Variants in TYW1B observed in about 807,000 individuals in gnomAD.
The protein encoded by TYW1B is tRNA-yW synthesizing protein 1 homolog B.
A neutral mutation model predicts 86.9 loss-of-function variants in TYW1B; 73 were observed. That is an observed-to-expected ratio of 0.84 (90% confidence interval 0.70 to 1.02). The LOEUF is 1.02. Among genes scored for constraint, TYW1B ranks in the 50% least tolerant of loss-of-function variants. The pLI, the probability that TYW1B is intolerant of heterozygous loss-of-function variation, is 0.00. For synonymous variants in TYW1B, 248 were observed against 292.8 expected (o/e 0.85, Z 1.56); for missense variants, 637 against 827.4 (o/e 0.77, Z 2.82).
intron 12 of TYW1B, among the ~76,000 whole-genome samples, chr7:72,620,694 A>C (rs577036871): frequency 1.3e-5 from 2 of 152,126 alleles, no homozygotes; most frequent in South Asian, 4.1e-4. Context: ...TATCTAAAAA[A>C]CTTTCCCTTC....
At chr7:72,726,491 T>C (rs1787001130) in intron 9 of TYW1B, among the ~76,000 whole-genome samples, 1 of 151,580 alleles carries the variant, frequency 6.6e-6, no homozygotes, top group East Asian at 1.9e-4. Flanking sequence ...GCCCCCCGAG[T>C]AGCTGGGATT....
At chr7:72,820,341 G>A (rs1241118631) in intron 2 of TYW1B, among the ~76,000 whole-genome samples, 2 of 152,070 alleles carry the variant, frequency 1.3e-5, no homozygotes, top group African/African-American at 4.8e-5. Flanking sequence ...CATAAGCGAA[G>A]GAGAAACAAG....
chr7:72,826,121 T>TA (rs1788924877), intron 2 of TYW1B, among the ~76,000 whole-genome samples: 2 of 152,134 alleles, frequency 1.3e-5, no homozygotes, highest in African/African-American at 4.8e-5. Context: ...CTGAGAACCA[T>TA]AAAAAATCTT....
At chr7:72,729,438 A>C (rs1210120871) in intron 8 of TYW1B, among the ~76,000 whole-genome samples, 1 of 151,968 alleles carries the variant, frequency 6.6e-6, no homozygotes, top group Non-Finnish European at 1.5e-5. Flanking sequence ...GACCAAAACC[A>C]CTGCTAGAGT....
rs1810975525 is a variant in TYW1B at position 72,574,583 on chromosome 7, A to G, written c.*915T>C. 1.0e-6 allele frequency: 1 copy of G among 985,240 alleles called. No homozygotes were observed. Among genetic ancestry groups the G allele is most frequent in the Non-Finnish European group, 1.2e-6 (1 of 829,862 alleles). The allele number at this position is 985,240 out of a possible 1,614,324, so 61.0% of individuals were successfully genotyped here. On this transcript the variant is annotated 3_prime_UTR_variant, in exon 14 of 14. Transcript: ENST00000620995. Reference sequence around the variant, plus strand: ...CTGTTAAAAGAATTTGCTAACTTGAAAACAATTTTGAGTATTTATGATCTT... The same window carrying G: ...CTGTTAAAAGAATTTGCTAACTTGAGAACAATTTTGAGTATTTATGATCTT...
At chr7:72,627,454 CAGTAACATAA>C (rs1368520736) in intron 12 of TYW1B, among the ~76,000 whole-genome samples, 18 of 97,748 alleles carry the variant, frequency 1.8e-4, no homozygotes, top group African/African-American at 6.6e-4. Context: ...TCTCAAAAAA[CAGTAACATAA>C]CATAACATAA....
chr7:72,827,144 A>C (rs1202724135), intron 1 of TYW1B, among the ~76,000 whole-genome samples, 159 bp from the exon 2 acceptor site: 1 of 152,230 alleles, frequency 6.6e-6, no homozygotes, highest in Non-Finnish European at 1.5e-5. Flanking sequence ...ACAGTGGCTC[A>C]TGCCTGTAAT....
chr7:72,727,107 T>C (rs1484897080), intron 9 of TYW1B, among the ~76,000 whole-genome samples: 2 of 152,048 alleles, frequency 1.3e-5, no homozygotes, highest in African/African-American at 4.8e-5. Flanking sequence ...AAGATGAGAT[T>C]TGGGTGAGGG....
At chr7:72,812,677 A>T (rs868907299) in intron 3 of TYW1B, among the ~76,000 whole-genome samples, 11 of 151,816 alleles carry the variant, frequency 7.2e-5, no homozygotes, top group African/African-American at 2.7e-4. Flanking sequence ...TCCACGAGCC[A>T]CATCTTGCTT....
chr7:72,619,367 C>T (rs1426542809), intron 12 of TYW1B, among the ~76,000 whole-genome samples: 1 of 152,236 alleles, frequency 6.6e-6, no homozygotes, highest in South Asian at 2.1e-4. Flanking sequence ...ACGGGCCGGG[C>T]GCGGTGGCTC....
chr7:72,807,046 T>C lies in TYW1B; in HGVS notation c.723+20A>G, dbSNP rs782071354. The C allele has an allele frequency of 5.0e-6, 8 of 1,606,312 alleles. No individual in the cohort carries two copies. The South Asian group carries it at 8.8e-5, about 18-fold the overall frequency. The stretch of plus-strand genomic sequence containing the variant: ...AGCAGAGGGGGAAAGCATCAAGAGA[T>C]GAACACACAGGCGGTATACCTTGGT... On this transcript the variant is annotated intron_variant, in intron 5 of 13. Coordinates refer to ENST00000620995, the MANE Select transcript of TYW1B (RefSeq NM_001145440.3).
chr7:72,588,087 G>A (rs1382603170), intron 13 of TYW1B, among the ~76,000 whole-genome samples: 1 of 152,230 alleles, frequency 6.6e-6, no homozygotes, highest in Non-Finnish European at 1.5e-5. Flanking sequence ...GCCTGCAATA[G>A]TGGAATGCTG....
chr7:72,716,573 A>G (rs1786787295), intron 9 of TYW1B, among the ~76,000 whole-genome samples: 1 of 152,174 alleles, frequency 6.6e-6, no homozygotes, highest in East Asian at 1.9e-4. Flanking sequence ...GGATAGCACC[A>G]TGTGTGAGGG....
chr7:72,723,993 T>C (rs1447190831), intron 9 of TYW1B, among the ~76,000 whole-genome samples: 1 of 149,276 alleles, frequency 6.7e-6, no homozygotes, highest in African/African-American at 2.5e-5. Flanking sequence ...ATTAGGGTTT[T>C]TTTTTCTTTT....
In TYW1B at chr7:72,705,258, A is replaced by G. The variant is rs373175189; in HGVS notation, c.1370+8363T>C. The stretch of plus-strand genomic sequence containing the variant: ...CAAACATATACTATGCACCTAATAC[A>G]TAAAGAGACATCCAGTTTATAGAGG... On this transcript the variant is annotated intron_variant, in intron 10 of 13. Transcript: ENST00000620995. Among the ~76,000 whole-genome samples the G allele has an allele frequency of 7.8e-4, 119 of 152,374 alleles. 1 individual carries two copies. Among genetic ancestry groups the G allele is most frequent in the African/African-American group, 2.5e-3 (105 of 41,592 alleles).
chr7:72,675,353 TGTGCCACTGTACTCCA>T lies in TYW1B; in HGVS notation c.1506+19318_1506+19333del, dbSNP rs1164707006. 2.7e-3 allele frequency among the ~76,000 whole-genome samples: 408 copies of T among 152,068 alleles called. 1 individual carries two copies. Among genetic ancestry groups the T allele is most frequent in the African/African-American group, 8.9e-3 (368 of 41,460 alleles). On this transcript the variant is annotated intron_variant, in intron 11 of 13. Coordinates refer to ENST00000620995, the MANE Select transcript of TYW1B (RefSeq NM_001145440.3). ...GGTGGAGGTTGCAGTGAGCCGAGAC[TGTGCCACTGTACTCCA>T]GTCTGGGCAACAGAGTGAAATTCTG...
chr7:72,644,610 C>T (rs1812880440), intron 11 of TYW1B, among the ~76,000 whole-genome samples: 2 of 151,894 alleles, frequency 1.3e-5, no homozygotes. Flanking sequence ...TGTAAGGATG[C>T]TTAATTTATG....
chr7:72,769,230 TACTA>T, intron 7 of TYW1B: 1 of 265,538 alleles, frequency 3.8e-6, no homozygotes, highest in Non-Finnish European at 6.8e-6. Flanking sequence ...AAGTGATATT[TACTA>T]TTCCCTGTTA....
At chr7:72,664,818 T>A (rs113883745) in intron 11 of TYW1B, among the ~76,000 whole-genome samples, 2 of 152,172 alleles carry the variant, frequency 1.3e-5, no homozygotes, top group Admixed American at 1.3e-4. Flanking sequence ...CTATGGGGGA[T>A]TGGTTCCAGG....
Sources: gnomAD v4.1 joint callset for allele counts (sites outside exome capture counted in the v4.1 genomes callset) on GRCh38, gnomAD v4.1.1 for gene constraint, MANE v1.5 for transcripts, NCBI Gene and HGNC (gene_info 2026-07-23, HGNC 2026-07-21) for gene names.